USP25: variants seen among roughly 807,000 people sequenced by gnomAD.
USP25 encodes the protein ubiquitin specific peptidase 25.
Under a neutral mutation model 158.5 loss-of-function variants are expected in USP25, and 85 were observed. The observed-to-expected ratio is 0.54, with a 90% CI of 0.45 to 0.64. The LOEUF is 0.64. Among genes scored for constraint, USP25 ranks in the 30% least tolerant of loss-of-function variants. The probability of loss-of-function intolerance (pLI) is 0.00; values close to 1 mark genes in which losing one functional copy is unlikely to be tolerated. For synonymous variants in USP25, 464 were observed against 460.4 expected, an observed-to-expected ratio of 1.01 and a Z score of -0.10; for missense variants, 1,242 against 1,327.3, an observed-to-expected ratio of 0.94 and a Z score of 1.00.
chr21:15,870,719 TC>T (rs1450093141), intron 23 of USP25, among the ~76,000 whole-genome samples: 1 of 152,218 alleles, frequency 6.6e-6, no homozygotes, highest in African/African-American at 2.4e-5. Context: ...AACATTAACT[TC>T]CCTAGTGATT....
intron 1 of USP25, among the ~76,000 whole-genome samples, chr21:15,742,332 C>T (rs1438431071): frequency 6.6e-6 from 1 of 152,024 alleles, no homozygotes; most frequent in Admixed American, 6.6e-5. Context: ...GAGGGGTGTG[C>T]AGAGAGGAGC....
chr21:15,810,127 C>T (rs1481816315), intron 8 of USP25, among the ~76,000 whole-genome samples: 3 of 152,066 alleles, frequency 2.0e-5, no homozygotes, highest in Non-Finnish European at 4.4e-5. Context: ...GGGTTATGTA[C>T]ATTTTATCAC....
chr21:15,803,871 G>A lies in USP25; in HGVS notation c.643-1250G>A, dbSNP rs568536130. On this transcript the variant is annotated intron_variant, in intron 6 of 25. Transcript: ENST00000400183. Reference sequence around the variant, plus strand: ...CTCTTTTTTGGAATCTATTCTAGAAGCAATTCTTTCTATGTGGGTTATACT... The same window carrying A: ...CTCTTTTTTGGAATCTATTCTAGAAACAATTCTTTCTATGTGGGTTATACT... Among the ~76,000 whole-genome samples, 32 of 151,918 alleles carry A rather than the reference G, an allele frequency of 2.1e-4. No individual in the cohort carries two copies. In the East Asian group the frequency reaches 5.8e-3, roughly 28 times the overall value.
intron 1 of USP25, among the ~76,000 whole-genome samples, chr21:15,739,017 C>T (rs1601238829): frequency 1.3e-5 from 2 of 152,268 alleles, no homozygotes; most frequent in Admixed American, 1.3e-4. Context: ...AGGAATTGCT[C>T]ACCCCGGGAG....
At chr21:15,763,444 C>G (rs957174668) in intron 2 of USP25, among the ~76,000 whole-genome samples, 1 of 152,046 alleles carries the variant, frequency 6.6e-6, no homozygotes, top group South Asian at 2.1e-4. Context: ...GTTAAACATT[C>G]AATTTCAAAC....
At chr21:15,861,395 TCA>T (rs1305495670) in intron 20 of USP25, among the ~76,000 whole-genome samples, 1 of 152,214 alleles carries the variant, frequency 6.6e-6, no homozygotes, top group Non-Finnish European at 1.5e-5. Flanking sequence ...ATGACTAGTA[TCA>T]CATTTCATTT....
intron 4 of USP25, among the ~76,000 whole-genome samples, chr21:15,785,698 A>G (rs919859161): frequency 9.2e-5 from 14 of 152,202 alleles, no homozygotes; most frequent in Non-Finnish European, 1.6e-4. Context: ...AAATGCCTGC[A>G]TCAGAAATGA....
At chr21:15,842,737 T>C (rs1601098044) in intron 18 of USP25, among the ~76,000 whole-genome samples, 197 bp downstream of exon 18, 1 of 152,296 alleles carries the variant, frequency 6.6e-6, no homozygotes, top group African/African-American at 2.4e-5. Flanking sequence ...AAAGACACTT[T>C]TCTCTTAAGT....
intron 1 of USP25, among the ~76,000 whole-genome samples, chr21:15,747,555 T>C (rs1042339032): frequency 2.6e-5 from 4 of 152,112 alleles, no homozygotes; most frequent in Non-Finnish European, 5.9e-5. Context: ...TATAAATTAG[T>C]AGAGACTAAC....
intron 20 of USP25, among the ~76,000 whole-genome samples, chr21:15,853,921 A>G (rs1043864609): frequency 2.0e-5 from 3 of 152,114 alleles, no homozygotes; most frequent in South Asian, 2.1e-4. Context: ...TTTTTGGTTC[A>G]TTCCATAGTT....
intron 3 of USP25, among the ~76,000 whole-genome samples, chr21:15,774,827 T>C (rs1195977139): frequency 3.9e-5 from 6 of 152,370 alleles, no homozygotes; most frequent in Non-Finnish European, 8.8e-5. Flanking sequence ...CAATGAATTA[T>C]GCAACTTGGT....
At position 15,830,569 on chromosome 21, in the gene USP25, G is replaced by C. The variant is rs1345133935; in HGVS notation, c.1732G>C (p.Glu578Gln). Residue 578 changes from glutamate (E) to glutamine (Q), a missense_variant, in exon 15 of 26, where the codon GAA becomes CAA. This residue lies in a region of USP25 where 627 missense variants were observed against 701.4 expected (regional missense o/e 0.89). Transcript: ENST00000400183. ...CATATCCAGAATCCATCGAACAATT[G>C]AATTAATGTACTCTGACAAATCTAT... is the stretch of plus-strand genomic sequence containing the variant. Reference protein sequence around the residue: ...ESISRIHRTIELMYSDKSMIQ... With the variant: ...ESISRIHRTIQLMYSDKSMIQ... The C allele has an allele frequency of 6.2e-7, 1 of 1,604,158 alleles. No homozygotes were observed. Among genetic ancestry groups the C allele is most frequent in the East Asian group, 2.2e-5 (1 of 44,474 alleles).
intron 1 of USP25, among the ~76,000 whole-genome samples, chr21:15,733,677 A>C (rs2031189622): frequency 6.6e-6 from 1 of 152,086 alleles, no homozygotes; most frequent in Non-Finnish European, 1.5e-5. Flanking sequence ...AGTCTCTACT[A>C]CTAAAAATAC....
intron 20 of USP25, among the ~76,000 whole-genome samples, chr21:15,862,075 CCATTTAGTGGAATCA>C (rs2039451689): frequency 6.6e-6 from 1 of 151,966 alleles, no homozygotes; most frequent in Non-Finnish European, 1.5e-5. Context: ...GGAATGATGA[CCATTTAGTGGAATCA>C]CTCCGTGCAT....
intron 3 of USP25, among the ~76,000 whole-genome samples, chr21:15,775,328 A>G (rs2034576642): frequency 6.6e-6 from 1 of 152,224 alleles, no homozygotes; most frequent in Admixed American, 6.5e-5. Flanking sequence ...AAATTTTCAA[A>G]TAAGGAATTT....
At chr21:15,767,697 A>C (rs1286633894) in intron 3 of USP25, among the ~76,000 whole-genome samples, 1 of 152,056 alleles carries the variant, frequency 6.6e-6, no homozygotes, top group Non-Finnish European at 1.5e-5. Context: ...AGGGAAAAGG[A>C]TAATTTTGAC....
chr21:15,859,552 C>A (rs1357747449), intron 20 of USP25, among the ~76,000 whole-genome samples: 2 of 152,010 alleles, frequency 1.3e-5, no homozygotes, highest in African/African-American at 4.8e-5. Flanking sequence ...ATTATCTGAT[C>A]CTTGAAGATT....
chr21:15,749,524 T>C (rs1325672074), intron 1 of USP25, among the ~76,000 whole-genome samples: 1 of 152,242 alleles, frequency 6.6e-6, no homozygotes, highest in Non-Finnish European at 1.5e-5. Context: ...AGGTTTTCAA[T>C]TGCATGTGTA....
intron 21 of USP25, 87 bp from the exon 22 acceptor site, chr21:15,866,179 A>G: frequency 1.3e-6 from 1 of 775,720 alleles, no homozygotes; most frequent in South Asian, 5.4e-5. Context: ...CTCAGTGTTT[A>G]TGGATTTTGC....
Sources: allele counts gnomAD v4.1 joint callset (sites outside exome capture counted in the v4.1 genomes callset), GRCh38; gene constraint gnomAD v4.1.1; regional missense constraint gnomAD v4.1.1; transcripts MANE v1.5; gene names NCBI Gene and HGNC (gene_info 2026-07-23, HGNC 2026-07-21).